ADGRB3: variants seen among roughly 807,000 people sequenced by gnomAD.
ADGRB3 encodes adhesion G protein-coupled receptor B3, also known as brain-specific angiogenesis inhibitor 3.
In ADGRB3, 37 loss-of-function variants were observed where a neutral mutation model predicts 193.4. That is an observed-to-expected ratio of 0.19 (90% CI 0.15 to 0.25). ADGRB3 has a LOEUF of 0.25. Among genes scored for constraint, ADGRB3 ranks in the 10% least tolerant of loss-of-function variants. The pLI is 1.00. For synonymous variants in ADGRB3, 690 were observed against 644.2 expected, an observed-to-expected ratio of 1.07 and a Z score of -1.08; for missense variants, 1,637 against 1,852.9, an observed-to-expected ratio of 0.88 and a Z score of 2.14.
chr6:68,657,611 A>G (rs1768522172), intron 3 of ADGRB3, among the ~76,000 whole-genome samples: 2 of 151,374 alleles, frequency 1.3e-5, no homozygotes, highest in Non-Finnish European at 3.0e-5. Context: ...TTACTCAGCA[A>G]ATTTAGTAGA....
rs1235902799 is a variant in ADGRB3 at position 69,354,259 on chromosome 6, G to A, written c.3486G>A (p.Leu1162=). ...TTCAGGATGCATTTAGATGCCGATTGAGAAACTGTCAGGATCCCATCAATG... is the reference window on the plus strand; with the variant it reads ...TTCAGGATGCATTTAGATGCCGATTAAGAAACTGTCAGGATCCCATCAATG... ...REVQDAFRCR[L]RNCQDPINAD... Residue 1162 remains leucine (L), a synonymous_variant, in exon 27 of 32, where the codon TTG becomes TTA. Coordinates refer to ENST00000370598, the MANE Select transcript of ADGRB3 (RefSeq NM_001704.3). 1.2e-6 allele frequency: 2 copies of A among 1,613,960 alleles called. No individual in the cohort carries two copies. Among genetic ancestry groups the A allele is most frequent in the South Asian group, 2.2e-5 (2 of 91,064 alleles).
chr6:68,897,502 G>GA (rs1204457647), intron 3 of ADGRB3, among the ~76,000 whole-genome samples: 7 of 72,972 alleles, frequency 9.6e-5, no homozygotes, highest in South Asian at 6.3e-4. Context: ...AGGGAGGGAA[G>GA]AGGAAGGAAG....
intron 17 of ADGRB3, among the ~76,000 whole-genome samples, chr6:69,097,614 T>G (rs1772919519): frequency 6.6e-6 from 1 of 152,094 alleles, no homozygotes; most frequent in African/African-American, 2.4e-5. Flanking sequence ...AAAGCTACAT[T>G]CTGGAGCTAT....
chr6:69,366,720 A>C (rs796957869), intron 29 of ADGRB3, among the ~76,000 whole-genome samples: 1 of 152,090 alleles, frequency 6.6e-6, no homozygotes, highest in Non-Finnish European at 1.5e-5. Flanking sequence ...TGTTTAGTCT[A>C]CCTGCTTAAA....
At chr6:68,948,347 C>A (rs970478129) in intron 6 of ADGRB3, among the ~76,000 whole-genome samples, 2 of 151,990 alleles carry the variant, frequency 1.3e-5, no homozygotes, top group African/African-American at 4.8e-5. Context: ...ATGGTGATTC[C>A]CCCTCTACGG....
chr6:68,828,324 TGAA>T (rs1445467293), intron 3 of ADGRB3, among the ~76,000 whole-genome samples: 4 of 152,204 alleles, frequency 2.6e-5, no homozygotes, highest in Non-Finnish European at 5.9e-5. Flanking sequence ...GTTTTGCCTC[TGAA>T]GAAGATGTTC....
chr6:69,327,151 A>C lies in ADGRB3; in HGVS notation c.2966-669A>C, dbSNP rs1768592208. On this transcript the variant is annotated intron_variant, in intron 21 of 31. Coordinates refer to ENST00000370598, the MANE Select transcript of ADGRB3 (RefSeq NM_001704.3). ...AAAGAAGGCATAACCAAAACTAAAA[A>C]AAAAATCTTTAAACAGCATAGACTA... Among the ~76,000 whole-genome samples the C allele has an allele frequency of 3.3e-5, 5 of 152,064 alleles. No homozygotes were observed. The South Asian group carries it at 1.0e-3, about 31-fold the overall frequency.
chr6:68,889,343 A>G lies in ADGRB3; in HGVS notation c.758-41216A>G, dbSNP rs192922310. On this transcript the variant is annotated intron_variant, in intron 3 of 31. Coordinates refer to ENST00000370598, the MANE Select transcript of ADGRB3 (RefSeq NM_001704.3). ...AATATTGCTTCCAAAAGTTGTGTCC[A>G]CATTTGGTTCCTGAATTTTGTTGAT... 1.8e-3 allele frequency among the ~76,000 whole-genome samples: 278 copies of G among 152,274 alleles called. 4 individuals are homozygous for G. The highest frequency in any genetic ancestry group is 3.1e-3 in the Non-Finnish European group (208 of 68,018).
Position 68,853,850 on chromosome 6 carries a change from C to T in ADGRB3, c.758-76709C>T, listed in dbSNP as rs117988694. ...TTCACTTAAACATGAATAAGGGTAA[C>T]ATAGATTATCAATATTATGGTTTTA... On this transcript the variant is annotated intron_variant, in intron 3 of 31. Coordinates refer to ENST00000370598, the MANE Select transcript of ADGRB3 (RefSeq NM_001704.3). Among the ~76,000 whole-genome samples the T allele has an allele frequency of 3.5e-3, 532 of 152,256 alleles. 5 individuals are homozygous for T. The highest frequency in any genetic ancestry group is 2.7e-3 in the Non-Finnish European group (187 of 68,002).
At chr6:69,259,545 A>T (rs1438372490) in intron 20 of ADGRB3, among the ~76,000 whole-genome samples, 1 of 151,950 alleles carries the variant, frequency 6.6e-6, no homozygotes, top group East Asian at 1.9e-4. Flanking sequence ...AAACGCAAAA[A>T]AATAGCCGGG....
rs764102121 is a variant in ADGRB3 at position 69,076,894 on chromosome 6, CT to C, written c.2480+857del. ...AGAATTTTCCTGGTGTTCTTCACCC[CT>C]GATATGATCTACATCTGAGGTTTTG... On this transcript the variant is annotated intron_variant, in intron 17 of 31. Coordinates refer to ENST00000370598, the MANE Select transcript of ADGRB3 (RefSeq NM_001704.3). 3.3e-5 allele frequency among the ~76,000 whole-genome samples: 5 copies of C among 152,096 alleles called. No individual in the cohort carries two copies. In the East Asian group the frequency reaches 5.8e-4, roughly 18 times the overall value.
chr6:68,658,236 C>T (rs1768536160), intron 3 of ADGRB3, among the ~76,000 whole-genome samples: 1 of 151,194 alleles, frequency 6.6e-6, no homozygotes, highest in Admixed American at 6.6e-5. Flanking sequence ...GAGCTGAATT[C>T]AAGTTCATTC....
chr6:69,195,382 T>A (rs936785862), intron 17 of ADGRB3, among the ~76,000 whole-genome samples: 2 of 151,460 alleles, frequency 1.3e-5, no homozygotes, highest in Admixed American at 6.6e-5. Context: ...TAAAAATAAA[T>A]AATAAAAAAT....
chr6:68,769,148 A>G (rs564874506), intron 3 of ADGRB3, among the ~76,000 whole-genome samples: 6 of 152,330 alleles, frequency 3.9e-5, no homozygotes, highest in Non-Finnish European at 7.4e-5. Flanking sequence ...TCAAGGATCT[A>G]GAACCAGAAA....
At chr6:68,655,323 T>G (rs1768466698) in intron 3 of ADGRB3, among the ~76,000 whole-genome samples, 1 of 151,636 alleles carries the variant, frequency 6.6e-6, no homozygotes, top group African/African-American at 2.4e-5. Context: ...TTGTTTCTGT[T>G]TTCTGTGAAG....
intron 3 of ADGRB3, among the ~76,000 whole-genome samples, chr6:68,740,655 T>A (rs1021800276): frequency 2.0e-5 from 3 of 152,170 alleles, no homozygotes; most frequent in African/African-American, 4.8e-5. Context: ...AATTTTTACA[T>A]GTTATTATAA....
chr6:69,215,083 A>G (rs2127243501), intron 17 of ADGRB3, among the ~76,000 whole-genome samples: 1 of 152,272 alleles, frequency 6.6e-6, no homozygotes, highest in East Asian at 1.9e-4. Flanking sequence ...AAGTCATGAA[A>G]GACAAAGACT....
chr6:68,751,719 T>C (rs1766202118), intron 3 of ADGRB3, among the ~76,000 whole-genome samples: 2 of 152,160 alleles, frequency 1.3e-5, no homozygotes, highest in South Asian at 4.1e-4. Context: ...TTTGTAGCCA[T>C]CATAATTGTC....
At chr6:69,187,136 C>T (rs1011188629) in intron 17 of ADGRB3, among the ~76,000 whole-genome samples, 2 of 151,768 alleles carry the variant, frequency 1.3e-5, no homozygotes, top group African/African-American at 4.8e-5. Flanking sequence ...ATTTATATTG[C>T]TTCATGTTTA....
Sources: gnomAD v4.1 joint callset for allele counts (sites outside exome capture counted in the v4.1 genomes callset) on GRCh38, gnomAD v4.1.1 for gene constraint, MANE v1.5 for transcripts, NCBI Gene and HGNC (gene_info 2026-07-23, HGNC 2026-07-21) for gene names.